Variants in WDPCP observed in about 807,000 individuals in gnomAD.
WDPCP encodes the protein WD repeat-containing and planar cell polarity effector protein fritz homolog.
Under a neutral mutation model 93.1 loss-of-function variants are expected in WDPCP, and 71 were observed. The observed-to-expected ratio is 0.76, with a 90% confidence interval of 0.63 to 0.93. The LOEUF is 0.93. Ranked by LOEUF, WDPCP falls within the 40% of genes least tolerant of loss-of-function variation. WDPCP has a pLI of 0.00. For synonymous variants in WDPCP, 315 were observed against 315.0 expected (o/e 1.00, Z 0.00); for missense variants, 844 against 887.4 (o/e 0.95, Z 0.62).
rs1437849937 is a variant in WDPCP at position 63,339,570 on chromosome 2, C to T, written c.1749-26259G>A. 2.6e-5 allele frequency among the ~76,000 whole-genome samples: 4 copies of T among 152,132 alleles called. No homozygotes were observed. The South Asian group carries it at 6.2e-4, about 24-fold the overall frequency. ...CTGCAACTTGACTGAATTCGTTTAT[C>T]AGTTCTAACAGTTTTTTGGTGGGGT... is the stretch of plus-strand genomic sequence containing the variant. On this transcript the variant is annotated intron_variant, in intron 12 of 17. Transcript: ENST00000272321.
chr2:63,413,411 T>C (rs1695166436), intron 9 of WDPCP, among the ~76,000 whole-genome samples: 1 of 152,116 alleles, frequency 6.6e-6, no homozygotes, highest in Non-Finnish European at 1.5e-5. Flanking sequence ...CTTGAAACTA[T>C]AAAAATTCTA....
rs1454896461 is a variant in WDPCP at position 63,167,083 on chromosome 2, A to G, written c.2078+7587T>C. Among the ~76,000 whole-genome samples the G allele has an allele frequency of 3.9e-5, 6 of 152,218 alleles. No individual in the cohort carries two copies. The South Asian group carries it at 1.2e-3, about 32-fold the overall frequency. ...CTGTGCCTGGCTTATTTCACTTAAC[A>G]TAATGTTCTCCAGTTCCATGTAAAT... On this transcript the variant is annotated intron_variant, in intron 15 of 17. Transcript: ENST00000272321.
At chr2:63,255,035 G>T (rs2104743540) in intron 14 of WDPCP, among the ~76,000 whole-genome samples, 1 of 152,232 alleles carries the variant, frequency 6.6e-6, no homozygotes, top group African/African-American at 2.4e-5. Flanking sequence ...GAAAGATCAT[G>T]ATAATCTTGA....
chr2:63,414,002 A>G (rs1289155412), intron 9 of WDPCP, among the ~76,000 whole-genome samples: 1 of 152,168 alleles, frequency 6.6e-6, no homozygotes, highest in Non-Finnish European at 1.5e-5. Flanking sequence ...AATCCCATAA[A>G]AAAAGTGGGC....
intron 14 of WDPCP, among the ~76,000 whole-genome samples, chr2:63,253,430 A>G (rs1343718022): frequency 1.3e-5 from 2 of 152,178 alleles, no homozygotes. Context: ...CATCAAAAAA[A>G]CTATCAACAA....
intron 2 of WDPCP, among the ~76,000 whole-genome samples, chr2:63,795,541 AAG>A (rs1670602347): frequency 1.3e-5 from 2 of 151,170 alleles, no homozygotes; most frequent in African/African-American, 2.4e-5. Flanking sequence ...GAGAAAGAGA[AAG>A]AGAGAGGGGG....
chr2:63,797,831 T>C (rs1323161073), intron 2 of WDPCP, among the ~76,000 whole-genome samples: 1 of 151,968 alleles, frequency 6.6e-6, no homozygotes, highest in East Asian at 1.9e-4. Flanking sequence ...CAAGAGGTTA[T>C]AGAACACCAA....
At chr2:63,417,682 G>A (rs898869380) in intron 9 of WDPCP, among the ~76,000 whole-genome samples, 2 of 149,096 alleles carry the variant, frequency 1.3e-5, no homozygotes, top group Non-Finnish European at 3.0e-5. Flanking sequence ...ACAGACCCTT[G>A]GTGCAAAAGT....
chr2:63,775,876 A>G (rs1176092282), intron 2 of WDPCP, among the ~76,000 whole-genome samples: 1 of 152,158 alleles, frequency 6.6e-6, no homozygotes, highest in African/African-American at 2.4e-5. Context: ...TGAGGATCTT[A>G]AGGGAAGATG....
chr2:63,557,826 C>T (rs1706248290), intron 1 of WDPCP, among the ~76,000 whole-genome samples: 1 of 152,136 alleles, frequency 6.6e-6, no homozygotes, highest in Non-Finnish European at 1.5e-5. Context: ...CAAATTAGAA[C>T]TCAAGATTAA....
chr2:63,658,717 G>C (rs1452633334), intron 2 of WDPCP, among the ~76,000 whole-genome samples: 1 of 152,214 alleles, frequency 6.6e-6, no homozygotes, highest in Non-Finnish European at 1.5e-5. Flanking sequence ...GTAATGGCAG[G>C]AAGTCCTGTG....
intron 2 of WDPCP, among the ~76,000 whole-genome samples, chr2:63,677,497 A>G (rs1710437644): frequency 6.6e-6 from 1 of 151,912 alleles, no homozygotes; most frequent in Non-Finnish European, 1.5e-5. Flanking sequence ...AGTACAAAGA[A>G]AACCATGCCT....
chr2:63,449,775 T>C (rs2105623177), intron 6 of WDPCP, among the ~76,000 whole-genome samples: 1 of 152,216 alleles, frequency 6.6e-6, no homozygotes, highest in Admixed American at 6.5e-5. Flanking sequence ...ACCCTACCCC[T>C]GAGACCTAAG....
chr2:63,499,672 A>G (rs1289313249), intron 1 of WDPCP, among the ~76,000 whole-genome samples: 1 of 152,230 alleles, frequency 6.6e-6, no homozygotes, highest in Non-Finnish European at 1.5e-5. Flanking sequence ...GAAAGAATCG[A>G]CAGCATATGG....
chr2:63,147,451 A>G (rs948297001), intron 17 of WDPCP, among the ~76,000 whole-genome samples: 1 of 152,236 alleles, frequency 6.6e-6, no homozygotes, highest in South Asian at 2.1e-4. Flanking sequence ...TAGAGAATCA[A>G]GAACGACAGA....
At chr2:63,657,205 GTTTT>G (rs61597471) in intron 2 of WDPCP, among the ~76,000 whole-genome samples, 1 of 114,168 alleles carries the variant, frequency 8.8e-6, no homozygotes. Flanking sequence ...TCTGGGTGAT[GTTTT>G]TTTTTTTTTT....
At chr2:63,424,435 T>C (rs922775695) in intron 9 of WDPCP, among the ~76,000 whole-genome samples, 1 of 152,166 alleles carries the variant, frequency 6.6e-6, no homozygotes, top group African/African-American at 2.4e-5. Flanking sequence ...CACACCCTCG[T>C]TGTCCACCAG....
intron 14 of WDPCP, among the ~76,000 whole-genome samples, chr2:63,227,522 C>A (rs1447135332): frequency 3.9e-5 from 6 of 151,988 alleles, no homozygotes; most frequent in African/African-American, 1.2e-4. Flanking sequence ...AACCACACAA[C>A]TAATCTGTAA....
intron 2 of WDPCP, among the ~76,000 whole-genome samples, chr2:63,730,373 C>T (rs895611579): frequency 3.3e-5 from 5 of 152,142 alleles, no homozygotes; most frequent in African/African-American, 1.2e-4. Flanking sequence ...TGCTACCCCT[C>T]GCTATCAAAA....
Sources: gnomAD v4.1 joint callset for allele counts (sites outside exome capture counted in the v4.1 genomes callset) on GRCh38, gnomAD v4.1.1 for gene constraint, MANE v1.5 for transcripts, NCBI Gene and HGNC (gene_info 2026-07-23, HGNC 2026-07-21) for gene names.